Variants in RASA3 observed in about 807,000 individuals in gnomAD.
RASA3 encodes ras GTPase-activating protein 3.
Under a neutral mutation model 110.0 loss-of-function variants are expected in RASA3, and 73 were observed. The ratio of observed to expected loss-of-function variants is 0.66; its 90% CI spans 0.55 to 0.81. The LOEUF is 0.81. Ranked by LOEUF, RASA3 falls within the 30% of genes least tolerant of loss-of-function variation. The pLI is 0.00. For synonymous variants in RASA3, 500 were observed against 451.4 expected, an observed-to-expected ratio of 1.11 and a Z score of -1.37; for missense variants, 976 against 1,113.2, an observed-to-expected ratio of 0.88 and a Z score of 1.75.
At chr13:114,043,179 C>T (rs1195619285) in intron 3 of RASA3, among the ~76,000 whole-genome samples, 1 of 152,192 alleles carries the variant, frequency 6.6e-6, no homozygotes, top group African/African-American at 2.4e-5. Flanking sequence ...GCTCCAGACC[C>T]TATGGGACAG....
chr13:114,071,070 A>G (rs888116999), intron 2 of RASA3, among the ~76,000 whole-genome samples: 4 of 152,208 alleles, frequency 2.6e-5, no homozygotes, highest in Non-Finnish European at 4.4e-5. Context: ...CTCTCTTGGA[A>G]CTGTCCCACA....
chr13:114,071,414 A>C (rs1352075015), intron 2 of RASA3, among the ~76,000 whole-genome samples: 1 of 152,250 alleles, frequency 6.6e-6, no homozygotes, highest in Non-Finnish European at 1.5e-5. Context: ...AGCGGGTCTG[A>C]GAGGATCCCG....
intron 18 of RASA3, among the ~76,000 whole-genome samples, chr13:114,005,622 C>T (rs1047491307): frequency 2.4e-4 from 36 of 152,166 alleles, no homozygotes; most frequent in African/African-American, 7.0e-4. Context: ...GTGGACAACA[C>T]GGCCAGTGGT....
intron 7 of RASA3, among the ~76,000 whole-genome samples, chr13:114,026,686 C>T (rs113149826): frequency 3.3e-5 from 5 of 152,366 alleles, no homozygotes; most frequent in African/African-American, 1.2e-4. Context: ...TGGCCATGCT[C>T]TTGCCACAGA....
Position 114,065,831 on chromosome 13 carries a change from C to A in RASA3, c.173+7889G>T, listed in dbSNP as rs573484645. ...AAGCCCCACACACACTGGGTTGCAG[C>A]CTCCTGTGGTTCAAGATGGGTGGGG... On this transcript the variant is annotated intron_variant, in intron 2 of 23. Transcript: ENST00000334062. This position sits in a 1 kb window ranked among gnomAD's most constrained non-coding sequence, Gnocchi z 4.1. Among the ~76,000 whole-genome samples the A allele has an allele frequency of 6.2e-4, 94 of 152,338 alleles. No homozygotes were observed. Among genetic ancestry groups the A allele is most frequent in the African/African-American group, 2.1e-3 (87 of 41,580 alleles).
chr13:114,080,332 G>T (rs540146021), intron 1 of RASA3, among the ~76,000 whole-genome samples: 1 of 152,294 alleles, frequency 6.6e-6, no homozygotes, highest in East Asian at 1.9e-4. Context: ...GCGGTGGAAG[G>T]AGGAGAGGGC....
intron 1 of RASA3, among the ~76,000 whole-genome samples, chr13:114,108,487 C>T (rs1219348085): frequency 1.4e-5 from 2 of 145,602 alleles, no homozygotes; most frequent in African/African-American, 5.1e-5. Flanking sequence ...GTCCATGATC[C>T]CCCGTCCGTC....
intron 4 of RASA3, among the ~76,000 whole-genome samples, chr13:114,035,423 T>C (rs2054261462): frequency 6.6e-6 from 1 of 152,174 alleles, no homozygotes. Context: ...GTGTCACCCA[T>C]GGGGCCCTGG....
intron 23 of RASA3, among the ~76,000 whole-genome samples, chr13:113,980,067 T>G (rs2052880001): frequency 8.0e-6 from 1 of 124,928 alleles, no homozygotes; most frequent in Admixed American, 8.3e-5. Context: ...GTGCACCTCC[T>G]CCCATGTGTG....
intron 4 of RASA3, 102 bp from the exon 5 acceptor site, chr13:114,029,989 GGCCCC>G: frequency 9.1e-7 from 1 of 1,100,254 alleles, no homozygotes. Flanking sequence ...GGGAGCAGGC[GGCCCC>G]GCCCTGCCCT....
At chr13:114,073,630 G>C in intron 2 of RASA3, 90 bp downstream of exon 2, 1 of 1,076,726 alleles carries the variant, frequency 9.3e-7, no homozygotes, top group Non-Finnish European at 1.4e-6. Context: ...CTCCACACAT[G>C]GGAAAATGGG....
At chr13:114,064,944 C>T (rs1477697058) in intron 2 of RASA3, among the ~76,000 whole-genome samples, 3 of 152,270 alleles carry the variant, frequency 2.0e-5, no homozygotes, top group Non-Finnish European at 4.4e-5. Flanking sequence ...TTAACGCACG[C>T]AGCAGCCTCT....
intron 18 of RASA3, among the ~76,000 whole-genome samples, chr13:114,002,845 A>C (rs1258812332): frequency 1.3e-5 from 2 of 152,314 alleles, no homozygotes; most frequent in Admixed American, 1.3e-4. Context: ...CTAAGCCGGA[A>C]GCCTCAGGCT....
At position 114,112,804 on chromosome 13, in the gene RASA3, G is replaced by A. The variant is rs904705087; in HGVS notation, c.55+19631C>T. 1.3e-5 allele frequency among the ~76,000 whole-genome samples: 2 copies of A among 152,058 alleles called. No individual in the cohort carries two copies. The highest frequency in any genetic ancestry group is 2.4e-5 in the African/African-American group (1 of 41,404). ...CACCAACATCTGAGGCAGAGGCACC[G>A]CTGTGGGCTCATCTCTCAGCTCAAA... On this transcript the variant is annotated intron_variant, in intron 1 of 23. Transcript: ENST00000334062. The surrounding 1 kb of genome is among the most constrained non-coding windows in gnomAD (Gnocchi z 4.8).
At chr13:114,130,182 T>G (rs1330590036) in intron 1 of RASA3, among the ~76,000 whole-genome samples, 1 of 152,124 alleles carries the variant, frequency 6.6e-6, no homozygotes, top group Non-Finnish European at 1.5e-5. Context: ...AGACTGCATC[T>G]CTGCTCAAAT....
chr13:114,013,966 CTCT>C lies in RASA3; in HGVS notation c.1406-721_1406-719del, dbSNP rs1416585282. The stretch of plus-strand genomic sequence containing the variant: ...TCTATCTCTCTGTCTCTCTCTCTCT[CTCT>C]CCGTCTCGATCTCTCTCTCCATCTC... On this transcript the variant is annotated intron_variant, in intron 14 of 23. Transcript: ENST00000334062. 7.2e-3 allele frequency among the ~76,000 whole-genome samples: 1,074 copies of C among 150,046 alleles called. 50 individuals carry two copies. Among genetic ancestry groups the C allele is most frequent in the African/African-American group, 0.026 (1,037 of 40,286 alleles).
chr13:114,042,556 G>A (rs1186578050), intron 3 of RASA3, among the ~76,000 whole-genome samples: 2 of 152,220 alleles, frequency 1.3e-5, no homozygotes, highest in African/African-American at 4.8e-5. Flanking sequence ...CCGGTTCACC[G>A]CAGCGTCCGC....
intron 1 of RASA3, among the ~76,000 whole-genome samples, chr13:114,129,283 G>A (rs1299174739): frequency 6.6e-6 from 1 of 152,236 alleles, no homozygotes; most frequent in Non-Finnish European, 1.5e-5. Context: ...AGATGTTTAA[G>A]TGCACAGAAG....
chr13:114,015,252 G>A lies in RASA3; in HGVS notation c.1362C>T (p.Asp454=). 1.2e-6 allele frequency: 2 copies of A among 1,613,190 alleles called. No individual in the cohort carries two copies. The highest frequency in any genetic ancestry group is 1.7e-5 in the Admixed American group (1 of 60,024). The part of the protein sequence containing the change: ...SGVSCPTVMC[D]IFFSLREAAA... ...CCGCCTCCCGGAGGGAGAAGAAGAT[G>A]TCACACATGACGGTCGGGCAGCTCA... The change falls in exon 14 of 24, where the codon GAC becomes GAT. Residue 454 remains aspartate (D), a synonymous_variant. Coordinates refer to ENST00000334062, the MANE Select transcript of RASA3 (RefSeq NM_007368.4).
Sources: allele counts gnomAD v4.1 joint callset (sites outside exome capture counted in the v4.1 genomes callset), GRCh38; gene constraint gnomAD v4.1.1; non-coding constraint Gnocchi (gnomAD v3.1); transcripts MANE v1.5; gene names NCBI Gene and HGNC (gene_info 2026-07-23, HGNC 2026-07-21).